The following EVA1C variants were observed in gnomAD, a reference collection of about 807,000 sequenced individuals.
EVA1C encodes the protein eva-1 homolog C.
A neutral mutation model predicts 45.4 loss-of-function variants in EVA1C; 25 were observed. The ratio of observed to expected loss-of-function variants is 0.55; its 90% confidence interval spans 0.40 to 0.77. The LOEUF (loss-of-function observed/expected upper bound fraction) is 0.77, where lower values mean the gene tolerates loss of function less well. Ranked by LOEUF, EVA1C falls within the 30% of genes least tolerant of loss-of-function variation. EVA1C has a pLI of 0.00. For missense variants in EVA1C, 479 were observed against 554.8 expected (o/e 0.86, Z 1.37); for synonymous variants, 190 against 221.2 (o/e 0.86, Z 1.25).
chr21:32,413,331 C>G (rs573775679), intron 1 of EVA1C, among the ~76,000 whole-genome samples: 3 of 152,186 alleles, frequency 2.0e-5, no homozygotes, highest in African/African-American at 7.2e-5. Context: ...TAAACTGAGC[C>G]CTGTGCCGCG....
upstream of EVA1C, chr21:32,412,059 C>T (rs1568846686): frequency 6.6e-6 from 1 of 152,246 alleles, no homozygotes; most frequent in Non-Finnish European, 1.5e-5. Context: ...CAAAGGAAGC[C>T]GAGCTGGAGC....
intron 4 of EVA1C, among the ~76,000 whole-genome samples, chr21:32,488,865 C>T (rs1189188589): frequency 0.044 from 7 of 160 alleles, no homozygotes; most frequent in Non-Finnish European, 0.06. Context: ...GGATTATAGG[C>T]GTGAGCACCA....
At chr21:32,489,224 G>A (rs1387711694) in intron 4 of EVA1C, among the ~76,000 whole-genome samples, 1 of 152,124 alleles carries the variant, frequency 6.6e-6, no homozygotes, top group South Asian at 2.1e-4. Context: ...TATGGTTTCC[G>A]GTCTTATATT....
intron 4 of EVA1C, among the ~76,000 whole-genome samples, chr21:32,480,638 A>C (rs1006448870): frequency 2.0e-5 from 3 of 152,240 alleles, no homozygotes; most frequent in Non-Finnish European, 4.4e-5. Flanking sequence ...ACTGCACTCT[A>C]GCCTGGGCAA....
rs56902183 is a variant in EVA1C at position 32,480,302 on chromosome 21, TAAA to T, written c.634+12466_634+12468del. Reference sequence around the variant, plus strand: ...GTTGACAGAGCAAGGCCCTGTCTCTTAAAAAAAAAAAAAAGGTACCGAGTTGGT... The same window carrying T: ...GTTGACAGAGCAAGGCCCTGTCTCTTAAAAAAAAAAAGGTACCGAGTTGGT... On this transcript the variant is annotated intron_variant, in intron 4 of 7. Transcript: ENST00000300255. 5.7e-4 allele frequency among the ~76,000 whole-genome samples: 60 copies of T among 105,182 alleles called. 1 individual carries two copies. Among genetic ancestry groups the T allele is most frequent in the Admixed American group, 5.5e-3 (49 of 8,960 alleles). 69.0% of individuals were successfully genotyped at this position (105,182 alleles called of 152,430 possible).
At chr21:32,434,698 A>G (rs2034866485) in intron 1 of EVA1C, among the ~76,000 whole-genome samples, 1 of 152,222 alleles carries the variant, frequency 6.6e-6, no homozygotes, top group African/African-American at 2.4e-5. Context: ...ACACAGGGAG[A>G]AGGCCACATG....
chr21:32,476,933 G>C (rs1468696612), intron 4 of EVA1C, among the ~76,000 whole-genome samples: 1 of 152,096 alleles, frequency 6.6e-6, no homozygotes, highest in Non-Finnish European at 1.5e-5. Context: ...CCCTAAGCTG[G>C]TCCCAACTGA....
intron 1 of EVA1C, among the ~76,000 whole-genome samples, chr21:32,425,658 G>A (rs1015390286): frequency 2.6e-5 from 4 of 152,106 alleles, no homozygotes; most frequent in African/African-American, 7.2e-5. Flanking sequence ...TACAGGGGAC[G>A]GCGATCTTTA....
chr21:32,411,855 AC>A (rs2033836959), upstream of EVA1C, among the ~76,000 whole-genome samples: 1 of 152,074 alleles, frequency 6.6e-6, no homozygotes, highest in Non-Finnish European at 1.5e-5. Context: ...TGTCCTCGAT[AC>A]CCTTGAGTTG....
intron 1 of EVA1C, among the ~76,000 whole-genome samples, chr21:32,418,417 A>G (rs772732360): frequency 6.6e-5 from 10 of 152,218 alleles, no homozygotes; most frequent in East Asian, 1.9e-4. Context: ...TCGGCCCACA[A>G]GTGGTCCCTG....
intron 1 of EVA1C, among the ~76,000 whole-genome samples, chr21:32,416,496 T>A (rs1181815270): frequency 1.3e-5 from 2 of 151,814 alleles, no homozygotes; most frequent in Non-Finnish European, 2.9e-5. Context: ...ACCCAGCTAA[T>A]TTTTGTATTT....
At chr21:32,491,416 C>T (rs1020424517) in intron 4 of EVA1C, among the ~76,000 whole-genome samples, 8 of 151,666 alleles carry the variant, frequency 5.3e-5, no homozygotes, top group African/African-American at 9.7e-5. Context: ...GGGCCGGGCA[C>T]GGTGGCTCAC....
At chr21:32,513,550 TC>T (rs2038033156) in intron 7 of EVA1C, among the ~76,000 whole-genome samples, 3 of 115,172 alleles carry the variant, frequency 2.6e-5, no homozygotes, top group African/African-American at 1.3e-4. Context: ...ATTTTTCTTT[TC>T]TTTTTTTTTT....
intron 1 of EVA1C, among the ~76,000 whole-genome samples, chr21:32,434,593 AAAAT>A (rs202142414): frequency 3.1e-4 from 46 of 146,974 alleles, no homozygotes; most frequent in Admixed American, 1.2e-3. Context: ...TCCGTCTCAA[AAAAT>A]AAATAAATAA....
At chr21:32,494,056 T>A (rs1385681859) in intron 4 of EVA1C, among the ~76,000 whole-genome samples, 1 of 152,198 alleles carries the variant, frequency 6.6e-6, no homozygotes, top group Non-Finnish European at 1.5e-5. Context: ...TGCCTCCGCC[T>A]CCCAAAGTGC....
At chr21:32,480,868 CAGG>C (rs1465887601) in intron 4 of EVA1C, among the ~76,000 whole-genome samples, 1 of 151,222 alleles carries the variant, frequency 6.6e-6, no homozygotes, top group African/African-American at 2.4e-5. Flanking sequence ...GAGGCTGAGG[CAGG>C]AGAATAACTT....
At chr21:32,475,600 C>T (rs369493934) in intron 4 of EVA1C, among the ~76,000 whole-genome samples, 21 of 151,136 alleles carry the variant, frequency 1.4e-4, no homozygotes, top group African/African-American at 3.6e-4. Flanking sequence ...TGTTTTTCCA[C>T]GTGGCCAAAA....
intron 4 of EVA1C, among the ~76,000 whole-genome samples, chr21:32,485,452 C>T (rs1432683276): frequency 2.0e-5 from 3 of 152,156 alleles, no homozygotes; most frequent in East Asian, 3.9e-4. Flanking sequence ...CGTGAGCCAC[C>T]GTGCCTGGCC....
At chr21:32,476,030 C>T (rs370624799) in intron 4 of EVA1C, among the ~76,000 whole-genome samples, 1 of 152,034 alleles carries the variant, frequency 6.6e-6, no homozygotes, top group African/African-American at 2.4e-5. Context: ...AATAGTCCTT[C>T]GATGTGGTTT....
Sources: allele counts gnomAD v4.1 joint callset (sites outside exome capture counted in the v4.1 genomes callset), GRCh38; gene constraint gnomAD v4.1.1; transcripts MANE v1.5; gene names NCBI Gene and HGNC (gene_info 2026-07-23, HGNC 2026-07-21).